PFKFB3: variants seen among roughly 807,000 people sequenced by gnomAD.
PFKFB3 encodes 6-phosphofructo-2-kinase/fructose-2,6-bisphosphatase 3.
PFKFB3 carries 33 observed loss-of-function variants against 68.0 expected under a neutral mutation model. The observed-to-expected ratio is 0.49, with a 90% confidence interval of 0.37 to 0.65. PFKFB3 has a LOEUF of 0.65. PFKFB3 is among the 30% of genes least tolerant of loss of function. The pLI is 0.00. For synonymous variants in PFKFB3, 315 were observed against 288.2 expected (o/e 1.09, Z -0.94); for missense variants, 586 against 712.2 (o/e 0.82, Z 2.02).
At chr10:6,318,099 C>G in the PFKFB3 span, among the ~76,000 whole-genome samples, 1 of 152,172 alleles carries the variant, frequency 6.6e-6, no homozygotes, top group Non-Finnish European at 1.5e-5. Flanking sequence ...AAATTCAGTT[C>G]CCGGGAAATA....
chr10:6,145,388 T>A (rs1841350114), intron 1 of PFKFB3, among the ~76,000 whole-genome samples: 1 of 91,682 alleles, frequency 1.1e-5, no homozygotes, highest in Admixed American at 1.1e-4. Flanking sequence ...GCGCGTCCCC[T>A]CTGGCGACTC....
intron 14 of PFKFB3, among the ~76,000 whole-genome samples, chr10:6,231,861 T>C (rs533956248): frequency 1.1e-4 from 16 of 148,908 alleles, no homozygotes; most frequent in South Asian, 6.5e-4. Context: ...CATCACCTCC[T>C]GGCGGGCACC....
chr10:6,169,809 C>T (rs780713926), intron 1 of PFKFB3, among the ~76,000 whole-genome samples: 2 of 152,214 alleles, frequency 1.3e-5, no homozygotes, highest in Admixed American at 6.5e-5. Context: ...CGAGGAAGGA[C>T]TGGCTTCTGC....
At chr10:6,167,065 C>T (rs2131732131) in intron 1 of PFKFB3, among the ~76,000 whole-genome samples, 1 of 152,266 alleles carries the variant, frequency 6.6e-6, no homozygotes, top group South Asian at 2.1e-4. Flanking sequence ...GGTGATGGGC[C>T]CGCCTCGGCC....
chr10:6,145,429 G>C (rs1485779177), intron 1 of PFKFB3, among the ~76,000 whole-genome samples: 1 of 152,164 alleles, frequency 6.6e-6, no homozygotes, highest in Non-Finnish European at 1.5e-5. Context: ...AGCCGGGGGC[G>C]GCACTTGCAG....
intron 14 of PFKFB3, among the ~76,000 whole-genome samples, chr10:6,243,392 C>T (rs1846184065): frequency 6.6e-6 from 1 of 152,148 alleles, no homozygotes; most frequent in Admixed American, 6.5e-5. Context: ...TGAAGTTAGT[C>T]AGGAATGGCA....
intron 1 of PFKFB3, among the ~76,000 whole-genome samples, chr10:6,171,179 C>T (rs998463993): frequency 4.5e-4 from 68 of 152,052 alleles, no homozygotes; most frequent in African/African-American, 1.4e-3. Flanking sequence ...TCCCGAGTAG[C>T]TGGGATTACA....
chr10:6,220,830 G>C lies in PFKFB3; in HGVS notation c.796G>C (p.Gly266Arg). The C allele has an allele frequency of 6.2e-7, 1 of 1,613,070 alleles. No homozygotes were observed. The highest frequency in any genetic ancestry group is 8.5e-7 in the Non-Finnish European group (1 of 1,180,026). ...ENEHNLQGRI[G>R]GDSGLSSRGK... ...CGAGCACAACCTCCAGGGCCGCATC[G>C]GGGGCGACTCAGGCCTGTCCAGCCG... Residue 266 changes from glycine to arginine, a missense_variant, in exon 8 of 15, where the codon GGG (glycine) becomes CGG (arginine). Transcript: ENST00000379775. This position sits in a 1 kb window ranked among gnomAD's most constrained non-coding sequence, Gnocchi z 4.1.
the PFKFB3 span, among the ~76,000 whole-genome samples, chr10:6,307,039 G>T: frequency 6.6e-6 from 1 of 152,112 alleles, no homozygotes. Context: ...GGTGGGCCTT[G>T]TCCAATCAGT....
chr10:6,312,136 C>CG, the PFKFB3 span, among the ~76,000 whole-genome samples: 1 of 152,012 alleles, frequency 6.6e-6, no homozygotes, highest in Admixed American at 6.6e-5. Context: ...CTCTGGCCTC[C>CG]GGGATTGTCT....
chr10:6,146,367 T>C, intron 1 of PFKFB3: 2 of 1,534,758 alleles, frequency 1.3e-6, no homozygotes, highest in South Asian at 2.4e-5. Flanking sequence ...CCTGTCCCGT[T>C]GGGGTAGAGA....
chr10:6,286,532 C>G, the PFKFB3 span, among the ~76,000 whole-genome samples: 3 of 152,136 alleles, frequency 2.0e-5, no homozygotes, highest in African/African-American at 7.2e-5. Context: ...CGTAGGCCAC[C>G]GTGCCCAGTT....
At chr10:6,200,589 A>G (rs914786757), upstream of PFKFB3, among the ~76,000 whole-genome samples, 1 of 149,276 alleles carries the variant, frequency 6.7e-6, no homozygotes, top group Admixed American at 6.8e-5. Context: ...CTGGCCATTA[A>G]AAAAACAAAA....
chr10:6,247,540 C>T (rs193091143), intron 14 of PFKFB3, among the ~76,000 whole-genome samples: 230 of 152,358 alleles, frequency 1.5e-3, no homozygotes, highest in Non-Finnish European at 2.7e-3. Flanking sequence ...TCAGCTCTCC[C>T]TTCATTAAGC....
intron 1 of PFKFB3, among the ~76,000 whole-genome samples, chr10:6,166,557 C>T (rs1251747709): frequency 6.6e-6 from 1 of 152,096 alleles, no homozygotes; most frequent in Admixed American, 6.5e-5. Context: ...CCCTGTTGAG[C>T]TTTGTCATTG....
At chr10:6,185,964 G>A (rs950976933) in intron 1 of PFKFB3, among the ~76,000 whole-genome samples, 1 of 151,906 alleles carries the variant, frequency 6.6e-6, no homozygotes, top group Non-Finnish European at 1.5e-5. Flanking sequence ...TTAAGAACTC[G>A]AGCCCCTCTC....
chr10:6,314,828 A>G, the PFKFB3 span, among the ~76,000 whole-genome samples: 17 of 152,312 alleles, frequency 1.1e-4, no homozygotes, highest in Non-Finnish European at 1.6e-4. Flanking sequence ...CATCATGAGA[A>G]GCTGATGTGG....
At chr10:6,213,601 C>G (rs752097218) in intron 1 of PFKFB3, 22 bp from the exon 2 acceptor site, 9 of 1,606,992 alleles carry the variant, frequency 5.6e-6, no homozygotes, top group African/African-American at 1.3e-5. Context: ...TGATGACACA[C>G]CCTTCTTGCT....
At position 6,234,460 on chromosome 10, in the gene PFKFB3, C is replaced by T. The variant is rs1464664430; in HGVS notation, c.*1518C>T. Reference sequence around the variant, plus strand: ...GAATTGAGTAGGAACTGAGGCTGTGCTTCAGGTATGGTACAATCAAGTGGG... The same window carrying T: ...GAATTGAGTAGGAACTGAGGCTGTGTTTCAGGTATGGTACAATCAAGTGGG... On this transcript the variant is annotated 3_prime_UTR_variant, in exon 15 of 15. Coordinates refer to ENST00000379775, the MANE Select transcript of PFKFB3 (RefSeq NM_004566.4). 1 of 152,250 alleles carries T rather than the reference C, an allele frequency of 6.6e-6. No homozygotes were observed. Among genetic ancestry groups the T allele is most frequent in the Non-Finnish European group, 1.5e-5 (1 of 68,032 alleles). 9.4% of individuals were successfully genotyped at this position (152,250 alleles called of 1,614,324 possible). A position where few individuals can be genotyped will look rare whatever the true frequency, so the allele number is the denominator to read the frequency against.
Sources: allele counts gnomAD v4.1 joint callset (sites outside exome capture counted in the v4.1 genomes callset), GRCh38; gene constraint gnomAD v4.1.1; non-coding constraint Gnocchi (gnomAD v3.1); transcripts MANE v1.5; gene names NCBI Gene and HGNC (gene_info 2026-07-23, HGNC 2026-07-21).